RARB: variants seen among roughly 807,000 people sequenced by gnomAD.
RARB encodes retinoic acid receptor beta.
In RARB, 17 loss-of-function variants were observed where a neutral mutation model predicts 51.9. That is an observed-to-expected ratio of 0.33 (90% CI 0.22 to 0.49). The LOEUF is 0.49. RARB is among the 20% of genes least tolerant of loss of function. The pLI, the probability that RARB is intolerant of heterozygous loss-of-function variation, is 0.99. For synonymous variants in RARB, 215 were observed against 195.4 expected (o/e 1.10, Z -0.84); for missense variants, 369 against 550.8 (o/e 0.67, Z 3.30).
At chr3:25,056,395 A>T (rs928152092) in intron 2 of RARB, among the ~76,000 whole-genome samples, 3 of 152,196 alleles carry the variant, frequency 2.0e-5, no homozygotes, top group Non-Finnish European at 2.9e-5. Flanking sequence ...TTTTGTGAAC[A>T]TAATTTGCCC....
At chr3:25,529,401 G>GATTCATC (rs3074713) in intron 3 of RARB, among the ~76,000 whole-genome samples, 6,553 of 152,136 alleles carry the variant, frequency 0.043, 198 homozygotes, top group Middle Eastern at 0.15. Context: ...TGAGGCTTAG[G>GATTCATC]ATTCATCCTA....
intron 4 of RARB, among the ~76,000 whole-genome samples, chr3:25,571,379 C>T (rs1389824004): frequency 1.3e-5 from 2 of 152,224 alleles, no homozygotes; most frequent in African/African-American, 4.8e-5. Flanking sequence ...GCAGACCAGA[C>T]TCTGAAGAGC....
chr3:25,342,996 GA>G (rs1395798818), intron 5 of RARB, among the ~76,000 whole-genome samples: 1 of 148,542 alleles, frequency 6.7e-6, no homozygotes, highest in Non-Finnish European at 1.5e-5. Context: ...CAGTGTGGCT[GA>G]TTTCCTGTTT....
chr3:24,831,167 C>A (rs746942206), intron 1 of RARB, among the ~76,000 whole-genome samples: 1 of 151,998 alleles, frequency 6.6e-6, no homozygotes, highest in Non-Finnish European at 1.5e-5. Context: ...AGCTTTGAGC[C>A]GGATTAAATG....
chr3:25,107,612 T>C (rs993768029), intron 3 of RARB, among the ~76,000 whole-genome samples: 2 of 152,180 alleles, frequency 1.3e-5, no homozygotes, highest in African/African-American at 2.4e-5. Context: ...CAAGTAGTAC[T>C]GAACCCTATA....
chr3:25,439,747 C>T (rs928127732), intron 1 of RARB, among the ~76,000 whole-genome samples: 11 of 152,118 alleles, frequency 7.2e-5, no homozygotes, highest in African/African-American at 1.4e-4. Context: ...TTTCATATAC[C>T]GTATTCTACC....
At chr3:25,068,720 T>C (rs1377140350) in intron 3 of RARB, among the ~76,000 whole-genome samples, 2 of 152,264 alleles carry the variant, frequency 1.3e-5, no homozygotes, top group East Asian at 1.9e-4. Context: ...CCTGGGCTGC[T>C]GAAGGATGAA....
At chr3:24,932,245 C>G (rs1695456429) in intron 2 of RARB, among the ~76,000 whole-genome samples, 1 of 152,014 alleles carries the variant, frequency 6.6e-6, no homozygotes. Context: ...GGGGAGGAAA[C>G]AGTAACTCCA....
chr3:24,954,854 T>G (rs1695974121), intron 2 of RARB, among the ~76,000 whole-genome samples: 1 of 152,126 alleles, frequency 6.6e-6, no homozygotes, highest in South Asian at 2.1e-4. Flanking sequence ...GAGCTCAAAC[T>G]CCTTGCAGGA....
At chr3:25,093,682 C>A (rs1278230299) in intron 3 of RARB, among the ~76,000 whole-genome samples, 1 of 152,064 alleles carries the variant, frequency 6.6e-6, no homozygotes, top group Non-Finnish European at 1.5e-5. Context: ...CTAAGATTGG[C>A]CTTTCAAGAT....
At chr3:25,316,606 C>T (rs1704432088) in intron 5 of RARB, among the ~76,000 whole-genome samples, 1 of 152,102 alleles carries the variant, frequency 6.6e-6, no homozygotes, top group Non-Finnish European at 1.5e-5. Flanking sequence ...TTGGTGTTCT[C>T]ATTGTCATCA....
chr3:25,464,630 A>G (rs1260050224), intron 2 of RARB, among the ~76,000 whole-genome samples: 1 of 152,284 alleles, frequency 6.6e-6, no homozygotes, highest in African/African-American at 2.4e-5. Flanking sequence ...GGTAAAATAC[A>G]ACAGCCAAAG....
intron 5 of RARB, among the ~76,000 whole-genome samples, chr3:25,214,346 C>G (rs1490227905): frequency 6.6e-6 from 1 of 152,074 alleles, no homozygotes; most frequent in Non-Finnish European, 1.5e-5. Flanking sequence ...AAGATCTTGC[C>G]TGTGATAACT....
intron 2 of RARB, among the ~76,000 whole-genome samples, chr3:25,053,825 T>G (rs1229271339): frequency 6.6e-6 from 1 of 152,172 alleles, no homozygotes; most frequent in Non-Finnish European, 1.5e-5. Context: ...AAGGCTATCA[T>G]CTCTCTTCCT....
chr3:24,870,857 C>A (rs1459357461), intron 2 of RARB, among the ~76,000 whole-genome samples: 1 of 152,100 alleles, frequency 6.6e-6, no homozygotes, highest in African/African-American at 2.4e-5. Context: ...TCCATCACCT[C>A]AAGCGTTTGT....
At chr3:25,131,392 A>G (rs973279007) in intron 3 of RARB, among the ~76,000 whole-genome samples, 2 of 152,042 alleles carry the variant, frequency 1.3e-5, no homozygotes, top group African/African-American at 4.8e-5. Flanking sequence ...TTTGGAAAAT[A>G]GTCTTGGCAA....
chr3:25,434,627 C>CACCT (rs1370363494), intron 1 of RARB, among the ~76,000 whole-genome samples: 1 of 151,018 alleles, frequency 6.6e-6, no homozygotes. Context: ...CTGCAACCTC[C>CACCT]ACCTCCCAGA....
chr3:25,474,344 T>C (rs1695849148), intron 2 of RARB, among the ~76,000 whole-genome samples: 1 of 152,226 alleles, frequency 6.6e-6, no homozygotes, highest in African/African-American at 2.4e-5. Flanking sequence ...TCTGGGGACT[T>C]TGCGATTATG....
chr3:25,032,654 C>G (rs1200415112), intron 2 of RARB, among the ~76,000 whole-genome samples: 2 of 152,186 alleles, frequency 1.3e-5, no homozygotes, highest in South Asian at 2.1e-4. Context: ...GTGTGAGACA[C>G]AGTCACTTTT....
Sources: allele counts gnomAD v4.1 joint callset (sites outside exome capture counted in the v4.1 genomes callset), GRCh38; gene constraint gnomAD v4.1.1; transcripts MANE v1.5; gene names NCBI Gene and HGNC (gene_info 2026-07-23, HGNC 2026-07-21).